Variants in GUCY1A2 observed in about 807,000 individuals in gnomAD.
GUCY1A2 encodes the protein guanylate cyclase soluble subunit alpha-2.
GUCY1A2 carries 27 observed loss-of-function variants against 63.5 expected under a neutral mutation model. The observed-to-expected ratio is 0.43, with a 90% CI of 0.31 to 0.59. GUCY1A2 has a LOEUF of 0.59. Ranked by LOEUF, GUCY1A2 falls within the 20% of genes least tolerant of loss-of-function variation. The pLI is 0.11. For synonymous variants in GUCY1A2, 364 were observed against 343.5 expected (o/e 1.06, Z -0.66); for missense variants, 768 against 913.3 (o/e 0.84, Z 2.05).
chr11:106,758,753 T>A (rs942459284), intron 6 of GUCY1A2, among the ~76,000 whole-genome samples: 3 of 152,216 alleles, frequency 2.0e-5, no homozygotes, highest in Non-Finnish European at 4.4e-5. Context: ...CTTTCCATTA[T>A]TTTTTGATCA....
chr11:107,017,671 GC>G (rs1861842493), intron 1 of GUCY1A2, 81 bp downstream of exon 1: 1 of 822,334 alleles, frequency 1.2e-6, no homozygotes, highest in Non-Finnish European at 1.7e-6. Context: ...CTCTGCGCTC[GC>G]GCCCCGGCTC....
At position 106,677,349 on chromosome 11, in the gene GUCY1A2, C is replaced by A. The variant is rs1023339633; in HGVS notation, c.*10200G>T. On this transcript the variant is annotated 3_prime_UTR_variant, in exon 8 of 8. Coordinates refer to ENST00000526355, the MANE Select transcript of GUCY1A2 (RefSeq NM_000855.3). The stretch of plus-strand genomic sequence containing the variant: ...CATCAAGAATTTTATTCATGAACAC[C>A]AAACTCAACTGATTCAAGCTGTCAC... The A allele has an allele frequency of 8.9e-5, 19 of 213,604 alleles. No individual in the cohort carries two copies. The highest frequency in any genetic ancestry group is 1.9e-4 in the South Asian group (1 of 5,366). The allele number at this position is 213,604 out of a possible 1,614,324, so 13.2% of individuals were successfully genotyped here.
chr11:106,806,307 G>T (rs1266732202), intron 5 of GUCY1A2, among the ~76,000 whole-genome samples: 2 of 152,140 alleles, frequency 1.3e-5, no homozygotes, highest in Non-Finnish European at 2.9e-5. Context: ...TATAGAACTG[G>T]AGAAAAGTCA....
intron 4 of GUCY1A2, among the ~76,000 whole-genome samples, chr11:106,853,013 T>C (rs1859377186): frequency 6.6e-6 from 1 of 152,212 alleles, no homozygotes; most frequent in Admixed American, 6.5e-5. Context: ...AATCTGCTGT[T>C]AGTCTGATAT....
At chr11:106,941,823 T>C (rs1221448193) in intron 3 of GUCY1A2, among the ~76,000 whole-genome samples, 1 of 152,210 alleles carries the variant, frequency 6.6e-6, no homozygotes, top group Admixed American at 6.5e-5. Context: ...TTAAAATCAA[T>C]GTGATAGGAA....
intron 4 of GUCY1A2, among the ~76,000 whole-genome samples, chr11:106,850,570 T>C (rs1249624020): frequency 6.6e-6 from 1 of 151,786 alleles, no homozygotes; most frequent in African/African-American, 2.4e-5. Context: ...AAAATGTTTT[T>C]TTGGCACCCA....
chr11:106,755,756 T>C (rs191937271), intron 6 of GUCY1A2, among the ~76,000 whole-genome samples: 3 of 152,276 alleles, frequency 2.0e-5, no homozygotes, highest in East Asian at 3.9e-4. Context: ...TGAGGAGTGT[T>C]TTACTTCCAG....
chr11:106,923,855 A>C (rs979427244), intron 4 of GUCY1A2, among the ~76,000 whole-genome samples: 4 of 152,204 alleles, frequency 2.6e-5, no homozygotes, highest in Non-Finnish European at 5.9e-5. Context: ...GAACTACCAT[A>C]TATCAGAGGA....
Position 106,916,547 on chromosome 11 carries a change from T to C in GUCY1A2, c.1206+22913A>G, listed in dbSNP as rs189560942. On this transcript the variant is annotated intron_variant, in intron 4 of 7. Transcript: ENST00000526355. ...TATCCTTCATGTTCCTGCTTAAAGA[T>C]TGTGCTTAAACCAGGTGAGCCATAT... Among the ~76,000 whole-genome samples the C allele has an allele frequency of 1.6e-3, 239 of 145,554 alleles. 11 individuals carry two copies. Among genetic ancestry groups the C allele is most frequent in the African/African-American group, 5.6e-3 (231 of 41,026 alleles).
chr11:106,786,494 C>G (rs561976143), intron 5 of GUCY1A2, among the ~76,000 whole-genome samples: 1 of 152,288 alleles, frequency 6.6e-6, no homozygotes, highest in South Asian at 2.1e-4. Flanking sequence ...TGATAAAACT[C>G]TCAGTAGGTC....
intron 1 of GUCY1A2, among the ~76,000 whole-genome samples, chr11:106,997,078 T>C (rs1260691599): frequency 6.6e-6 from 1 of 152,210 alleles, no homozygotes; most frequent in African/African-American, 2.4e-5. Context: ...AACTCTAAAC[T>C]ATCTGAGCAC....
intron 1 of GUCY1A2, among the ~76,000 whole-genome samples, chr11:107,005,660 T>C (rs946698239): frequency 6.6e-6 from 1 of 152,194 alleles, no homozygotes; most frequent in African/African-American, 2.4e-5. Context: ...CTGAATAAAT[T>C]AGTAAGTGCT....
intron 6 of GUCY1A2, among the ~76,000 whole-genome samples, chr11:106,766,047 G>A (rs1864157011): frequency 6.6e-6 from 1 of 152,106 alleles, no homozygotes; most frequent in Admixed American, 6.6e-5. Context: ...AGAGTTGCTA[G>A]GAAACCACAT....
At chr11:106,778,944 C>T (rs1864410211) in intron 5 of GUCY1A2, among the ~76,000 whole-genome samples, 2 of 143,560 alleles carry the variant, frequency 1.4e-5, no homozygotes, top group Non-Finnish European at 3.1e-5. Flanking sequence ...ATAAATATAC[C>T]AAGAATTATT....
intron 4 of GUCY1A2, among the ~76,000 whole-genome samples, chr11:106,828,967 G>A (rs1859013772): frequency 6.6e-6 from 1 of 152,190 alleles, no homozygotes; most frequent in African/African-American, 2.4e-5. Flanking sequence ...GAGATGTAAA[G>A]GGGCCCTTAC....
At chr11:106,698,138 T>TTTTTTTTTTTTTTTTTTTTTG (rs1555020237) in intron 7 of GUCY1A2, among the ~76,000 whole-genome samples, 1 of 145,758 alleles carries the variant, frequency 6.9e-6, no homozygotes, top group Non-Finnish European at 1.5e-5. Flanking sequence ...TTTTTTTTTT[T>TTTTTTTTTTTTTTTTTTTTTG]AGACAGGGTC....
chr11:106,885,444 GA>G (rs1212284854), intron 4 of GUCY1A2, among the ~76,000 whole-genome samples: 1 of 152,066 alleles, frequency 6.6e-6, no homozygotes, highest in East Asian at 1.9e-4. Flanking sequence ...AGGTGGGTGG[GA>G]AAAAATTCTC....
At chr11:106,827,409 T>A in intron 4 of GUCY1A2, 1 of 1,500,146 alleles carries the variant, frequency 6.7e-7, no homozygotes, top group South Asian at 1.1e-5. Context: ...TTTCATACAC[T>A]AACTCAAGTG....
intron 7 of GUCY1A2, among the ~76,000 whole-genome samples, chr11:106,701,767 A>G (rs1862821353): frequency 6.6e-6 from 1 of 152,172 alleles, no homozygotes. Context: ...GAAAGCTAGA[A>G]GAGCAGAGTT....
Sources: gnomAD v4.1 joint callset for allele counts (sites outside exome capture counted in the v4.1 genomes callset) on GRCh38, gnomAD v4.1.1 for gene constraint, MANE v1.5 for transcripts, NCBI Gene and HGNC (gene_info 2026-07-23, HGNC 2026-07-21) for gene names.